Variants in PLCB4 observed in about 807,000 individuals in gnomAD.
PLCB4 encodes 1-phosphatidylinositol 4,5-bisphosphate phosphodiesterase beta-4.
In PLCB4, 77 loss-of-function variants were observed where a neutral mutation model predicts 178.8. The ratio of observed to expected loss-of-function variants is 0.43; its 90% CI spans 0.36 to 0.52. The LOEUF is 0.52. Among genes scored for constraint, PLCB4 ranks in the 20% least tolerant of loss-of-function variants. The pLI, the probability that PLCB4 is intolerant of heterozygous loss-of-function variation, is 0.00. For missense variants in PLCB4, 1,024 were observed against 1,453.4 expected (o/e 0.70, Z 4.80); for synonymous variants, 496 against 490.8 (o/e 1.01, Z -0.14).
intron 3 of PLCB4, among the ~76,000 whole-genome samples, chr20:9,222,049 T>A (rs572168799): frequency 3.7e-5 from 2 of 54,684 alleles, no homozygotes; most frequent in African/African-American, 4.3e-4. Flanking sequence ...TTATTTTATT[T>A]TATTTTATTT....
At chr20:9,327,075 G>A (rs1472085186) in intron 4 of PLCB4, among the ~76,000 whole-genome samples, 5 of 152,010 alleles carry the variant, frequency 3.3e-5, no homozygotes, top group African/African-American at 1.2e-4. Context: ...TACCTCATTT[G>A]TCTTTGATGG....
intron 2 of PLCB4, among the ~76,000 whole-genome samples, chr20:9,102,303 A>G (rs572782816): frequency 6.5e-4 from 99 of 152,344 alleles, no homozygotes; most frequent in African/African-American, 2.3e-3. Flanking sequence ...ATAGTTCTGT[A>G]TAGATGATAG....
intron 7 of PLCB4, among the ~76,000 whole-genome samples, chr20:9,358,390 T>C (rs2035022957): frequency 6.6e-6 from 1 of 152,150 alleles, no homozygotes; most frequent in African/African-American, 2.4e-5. Flanking sequence ...TTGGAGAAAA[T>C]TACATCACAA....
At chr20:9,163,578 T>C (rs1016159510) in intron 2 of PLCB4, among the ~76,000 whole-genome samples, 1 of 152,116 alleles carries the variant, frequency 6.6e-6, no homozygotes, top group Admixed American at 6.5e-5. Flanking sequence ...TTATATTCTG[T>C]TTTTTCTTTT....
chr20:9,143,022 A>G (rs1234141789), intron 2 of PLCB4, among the ~76,000 whole-genome samples: 8 of 152,144 alleles, frequency 5.3e-5, no homozygotes, highest in African/African-American at 1.9e-4. Flanking sequence ...GGGCCTTTGC[A>G]CGTTCTCCCT....
chr20:9,406,770 C>G (rs1303804067), intron 21 of PLCB4, among the ~76,000 whole-genome samples: 1 of 152,206 alleles, frequency 6.6e-6, no homozygotes, highest in South Asian at 2.1e-4. Context: ...GCTGGGATTA[C>G]AGGCGTGAGC....
chr20:9,260,591 G>A (rs1015678863), intron 3 of PLCB4, among the ~76,000 whole-genome samples: 1 of 152,068 alleles, frequency 6.6e-6, no homozygotes, highest in Non-Finnish European at 1.5e-5. Flanking sequence ...ACATATACAT[G>A]TATATGCTGA....
intron 2 of PLCB4, among the ~76,000 whole-genome samples, chr20:9,192,364 T>C (rs183961218): frequency 6.6e-6 from 1 of 151,702 alleles, no homozygotes; most frequent in Non-Finnish European, 1.5e-5. Flanking sequence ...CCAAGGGAGG[T>C]TTCTTAGGAG....
intron 2 of PLCB4, among the ~76,000 whole-genome samples, chr20:9,209,261 C>T (rs756609101): frequency 6.6e-6 from 1 of 152,060 alleles, no homozygotes; most frequent in Non-Finnish European, 1.5e-5. Context: ...TTTTATTTAG[C>T]CTCTTTGCTG....
intron 28 of PLCB4, among the ~76,000 whole-genome samples, chr20:9,432,048 A>G (rs1361126786): frequency 6.6e-6 from 1 of 152,204 alleles, no homozygotes; most frequent in African/African-American, 2.4e-5. Context: ...AGTATCTACC[A>G]GTGGGGAATA....
At chr20:9,110,196 A>G in intron 2 of PLCB4, among the ~76,000 whole-genome samples, 1 of 152,102 alleles carries the variant, frequency 6.6e-6, no homozygotes, top group Non-Finnish European at 1.5e-5. Flanking sequence ...ATTGTCTGGA[A>G]TTGTTTTTTT....
intron 2 of PLCB4, among the ~76,000 whole-genome samples, chr20:9,153,389 G>A (rs111512883): frequency 2.2e-4 from 34 of 152,044 alleles, no homozygotes; most frequent in African/African-American, 7.7e-4. Flanking sequence ...TAAATCATGG[G>A]GGTTGGTCTT....
intron 19 of PLCB4, among the ~76,000 whole-genome samples, chr20:9,399,160 G>GA (rs1174827810): frequency 6.6e-6 from 1 of 152,156 alleles, no homozygotes; most frequent in Non-Finnish European, 1.5e-5. Flanking sequence ...CCTCCAGGCA[G>GA]AAAAATATTT....
intron 30 of PLCB4, among the ~76,000 whole-genome samples, chr20:9,442,583 A>G (rs533037883): frequency 6.6e-6 from 1 of 152,294 alleles, no homozygotes; most frequent in South Asian, 2.1e-4. Flanking sequence ...CAAACTCAGA[A>G]TTTGCTAGAT....
At chr20:9,462,152 A>G (rs893224444) in intron 35 of PLCB4, among the ~76,000 whole-genome samples, 1 of 152,196 alleles carries the variant, frequency 6.6e-6, no homozygotes, top group Non-Finnish European at 1.5e-5. Flanking sequence ...GCAAACTCCA[A>G]CAGACCTGCA....
chr20:9,267,312 G>C (rs1341601332), intron 3 of PLCB4, among the ~76,000 whole-genome samples: 1 of 152,030 alleles, frequency 6.6e-6, no homozygotes, highest in East Asian at 1.9e-4. Flanking sequence ...TTATCTATAA[G>C]CTACATTTGC....
intron 7 of PLCB4, among the ~76,000 whole-genome samples, chr20:9,343,892 C>G (rs1429466969): frequency 6.6e-6 from 1 of 152,180 alleles, no homozygotes; most frequent in East Asian, 1.9e-4. Context: ...AGCAGGTATC[C>G]AGAATCCAGC....
At chr20:9,113,340 C>T (rs763713885) in intron 2 of PLCB4, among the ~76,000 whole-genome samples, 8 of 152,142 alleles carry the variant, frequency 5.3e-5, no homozygotes, top group Non-Finnish European at 1.2e-4. Flanking sequence ...AGAGAACATT[C>T]TTTGAGAACC....
rs1005848688 is a variant in PLCB4, at chr20:9,462,385, G to A, written c.3248+2575G>A. ...TCCAAAGGATCGCAGCTCCTTGCCA[G>A]CAATGGAACAAAGCTGGATGGAGAA... On this transcript the variant is annotated intron_variant, in intron 35 of 39. Coordinates refer to ENST00000378473, the MANE Select transcript of PLCB4 (RefSeq NM_001377142.1). Among the ~76,000 whole-genome samples, 5 of 152,306 alleles carry A rather than the reference G, an allele frequency of 3.3e-5. No homozygotes were observed. In the South Asian group the frequency reaches 8.3e-4, roughly 25 times the overall value.
Sources: allele counts gnomAD v4.1 joint callset (sites outside exome capture counted in the v4.1 genomes callset), GRCh38; gene constraint gnomAD v4.1.1; transcripts MANE v1.5; gene names NCBI Gene and HGNC (gene_info 2026-07-23, HGNC 2026-07-21).